Variants in ESRRG observed in about 807,000 individuals in gnomAD.
ESRRG encodes estrogen related receptor gamma, also known as estrogen-related receptor gamma.
Under a neutral mutation model 44.0 loss-of-function variants are expected in ESRRG, and 13 were observed. The observed-to-expected ratio is 0.30, with a 90% CI of 0.19 to 0.47. ESRRG has a LOEUF of 0.47. ESRRG is among the 20% of genes least tolerant of loss of function. ESRRG has a pLI of 1.00. For missense variants in ESRRG, 395 were observed against 580.6 expected (o/e 0.68, Z 3.29); for synonymous variants, 215 against 214.6 (o/e 1.00, Z -0.02).
chr1:216,806,634 C>T (rs921578095), intron 2 of ESRRG, among the ~76,000 whole-genome samples: 1 of 152,184 alleles, frequency 6.6e-6, no homozygotes, highest in African/African-American at 2.4e-5. Context: ...TACCATTCAC[C>T]TCACTCTAGT....
intron 1 of ESRRG, among the ~76,000 whole-genome samples, chr1:216,946,979 GAGCCACCACACCC>G (rs2066164377): frequency 6.6e-6 from 1 of 152,062 alleles, no homozygotes; most frequent in Non-Finnish European, 1.5e-5. Flanking sequence ...TTACAGGTGT[GAGCCACCACACCC>G]AGCCTGATTT....
chr1:216,954,620 C>T (rs1390579409), intron 1 of ESRRG, among the ~76,000 whole-genome samples: 1 of 152,124 alleles, frequency 6.6e-6, no homozygotes, highest in Non-Finnish European at 1.5e-5. Flanking sequence ...TTGAGCATTC[C>T]ACCAGTTGAA....
At chr1:216,590,930 C>A (rs964311097) in intron 3 of ESRRG, among the ~76,000 whole-genome samples, 5 of 152,044 alleles carry the variant, frequency 3.3e-5, no homozygotes, top group Non-Finnish European at 5.9e-5. Flanking sequence ...CACAACCCTG[C>A]GATAAGGTGA....
intron 2 of ESRRG, among the ~76,000 whole-genome samples, chr1:216,869,814 A>C (rs1577443278): frequency 6.6e-6 from 1 of 151,986 alleles, no homozygotes; most frequent in South Asian, 2.1e-4. Flanking sequence ...AGCTATTATA[A>C]TTTTTTTAAA....
chr1:217,069,268 A>G (rs964460093), intron 1 of ESRRG, among the ~76,000 whole-genome samples: 2 of 152,150 alleles, frequency 1.3e-5, no homozygotes, highest in Non-Finnish European at 2.9e-5. Context: ...TCTGACTCCA[A>G]GTTCTTCAAT....
At chr1:216,674,250 A>C (rs2075702790) in intron 2 of ESRRG, among the ~76,000 whole-genome samples, 1 of 152,220 alleles carries the variant, frequency 6.6e-6, no homozygotes, top group Admixed American at 6.5e-5. Flanking sequence ...AATGCTCAGA[A>C]GTGATGAAAA....
chr1:217,115,524 G>A (rs540613427), intron 1 of ESRRG, among the ~76,000 whole-genome samples: 2 of 152,106 alleles, frequency 1.3e-5, no homozygotes, highest in East Asian at 3.9e-4. Context: ...CACTTCTCCA[G>A]CTTCACTCTC....
At chr1:217,100,510 C>T (rs2092494677) in intron 1 of ESRRG, among the ~76,000 whole-genome samples, 3 of 152,142 alleles carry the variant, frequency 2.0e-5, no homozygotes, top group Admixed American at 2.0e-4. Flanking sequence ...GAGGCTAAAC[C>T]TTATCCTGAG....
chr1:217,087,063 T>G (rs537924237), intron 1 of ESRRG, among the ~76,000 whole-genome samples: 2 of 152,348 alleles, frequency 1.3e-5, no homozygotes, highest in Admixed American at 6.5e-5. Flanking sequence ...CAGAAAAGTT[T>G]TCTCTTGAGT....
intron 2 of ESRRG, chr1:216,864,806 C>A (rs2096120403): frequency 6.6e-6 from 1 of 152,166 alleles, no homozygotes; most frequent in Non-Finnish European, 1.5e-5. Context: ...TGGGAGAACA[C>A]CCCAAGTTCT....
At chr1:216,916,516 T>C (rs1018404424) in intron 2 of ESRRG, among the ~76,000 whole-genome samples, 1 of 152,222 alleles carries the variant, frequency 6.6e-6, no homozygotes, top group African/African-American at 2.4e-5. Context: ...GGATGAGGAA[T>C]GAGAATTTGG....
chr1:216,989,427 C>CAAAAAAA (rs67759463), intron 1 of ESRRG, among the ~76,000 whole-genome samples: 1 of 79,342 alleles, frequency 1.3e-5, no homozygotes, highest in African/African-American at 4.6e-5. Context: ...GACTCTGTCT[C>CAAAAAAA]AAAAAAAAAA....
At chr1:216,747,690 AC>A (rs2091563311) in intron 2 of ESRRG, among the ~76,000 whole-genome samples, 1 of 152,212 alleles carries the variant, frequency 6.6e-6, no homozygotes, top group Admixed American at 6.5e-5. Flanking sequence ...CAATTTGTGG[AC>A]TTTGAGCGAA....
chr1:216,623,748 A>C (rs1367816974), intron 3 of ESRRG, among the ~76,000 whole-genome samples: 1 of 152,212 alleles, frequency 6.6e-6, no homozygotes, highest in East Asian at 1.9e-4. Flanking sequence ...ATAATAACTA[A>C]ATATGAAAAA....
chr1:217,075,822 G>C (rs988711178), intron 1 of ESRRG, among the ~76,000 whole-genome samples: 1 of 152,118 alleles, frequency 6.6e-6, no homozygotes, highest in Non-Finnish European at 1.5e-5. Context: ...TCTAAACAAA[G>C]AGTTTGCCAG....
At chr1:217,082,828 C>T (rs908340550) in intron 1 of ESRRG, among the ~76,000 whole-genome samples, 1 of 152,134 alleles carries the variant, frequency 6.6e-6, no homozygotes, top group African/African-American at 2.4e-5. Flanking sequence ...TATCTTATCA[C>T]AAGTGATAAA....
chr1:216,517,699 C>T (rs1268948475), intron 6 of ESRRG, among the ~76,000 whole-genome samples: 1 of 152,010 alleles, frequency 6.6e-6, no homozygotes, highest in East Asian at 1.9e-4. Flanking sequence ...ACTAATAAAT[C>T]CTCAGAAAAT....
rs117406596 is a variant in ESRRG at position 217,121,665 on chromosome 1, G to T, written c.-230+16002C>A. On this transcript the variant is annotated intron_variant, in intron 1 of 8. Coordinates refer to the ESRRG transcript ENST00000366940. ...TGTTCTCTGGACATCTGGGAGGGTG[G>T]TGTGGCCATTAACCAAGTCAGGAAT... Among the ~76,000 whole-genome samples, 267 of 152,300 alleles carry T rather than the reference G, an allele frequency of 1.8e-3. 2 individuals carry two copies. The East Asian group carries it at 0.034, about 19-fold the overall frequency.
intron 2 of ESRRG, among the ~76,000 whole-genome samples, chr1:216,818,595 CTT>C (rs542753363): frequency 6.8e-6 from 1 of 147,216 alleles, no homozygotes. Context: ...CTGTGGGTTT[CTT>C]TTTTTTTTTC....
Sources: gnomAD v4.1 joint callset for allele counts (sites outside exome capture counted in the v4.1 genomes callset) on GRCh38, gnomAD v4.1.1 for gene constraint, MANE v1.5 for transcripts, NCBI Gene and HGNC (gene_info 2026-07-23, HGNC 2026-07-21) for gene names.